The following TGM1 variants were observed in gnomAD, a reference collection of about 807,000 sequenced individuals.
The protein encoded by TGM1 is protein-glutamine gamma-glutamyltransferase K.
TGM1 carries 63 observed loss-of-function variants against 88.7 expected under a neutral mutation model. That is an observed-to-expected ratio of 0.71 (90% CI 0.58 to 0.88). The LOEUF (loss-of-function observed/expected upper bound fraction) is 0.88. Among genes scored for constraint, TGM1 ranks in the 40% least tolerant of loss-of-function variants. The probability of loss-of-function intolerance (pLI) is 0.00; values close to 1 mark genes in which losing one functional copy is unlikely to be tolerated. For missense variants in TGM1, 996 were observed against 1,118.0 expected (o/e 0.89, Z 1.56); for synonymous variants, 415 against 431.1 (o/e 0.96, Z 0.46).
chr14:24,252,085 G>A (rs537063726), intron 14 of TGM1, among the ~76,000 whole-genome samples: 2 of 152,302 alleles, frequency 1.3e-5, no homozygotes, highest in South Asian at 2.1e-4. Context: ...CACACCTTAT[G>A]CTATAATGGG....
chr14:24,259,361 A>T lies in TGM1; in HGVS notation c.985-112T>A, dbSNP rs2040785462. ...TCCTGCAACCACCCCTTACCCCTAA[A>T]TGCCTCAGGATCCAGACACCAGCCT... On this transcript the variant is annotated intron_variant, in intron 6 of 14. Coordinates refer to ENST00000206765, the MANE Select transcript of TGM1 (RefSeq NM_000359.3). This position sits in a 1 kb window ranked among gnomAD's most constrained non-coding sequence, Gnocchi z 5.7. The T allele has an allele frequency of 9.6e-7, 1 of 1,038,862 alleles. No individual in the cohort carries two copies. Among genetic ancestry groups the T allele is most frequent in the East Asian group, 2.6e-5 (1 of 38,642 alleles). 64.4% of individuals were successfully genotyped at this position (1,038,862 alleles called of 1,614,324 possible). A position where few individuals can be genotyped will look rare whatever the true frequency, so the allele number is the denominator to read the frequency against.
chr14:24,258,157 C>G (rs2040771904), intron 9 of TGM1, 128 bp downstream of exon 9: 1 of 669,910 alleles, frequency 1.5e-6, no homozygotes, highest in African/African-American at 1.8e-5. Flanking sequence ...GCTGACAAAC[C>G]CGTTTAAGAA....
At chr14:24,254,058 T>C in intron 14 of TGM1, 94 bp downstream of exon 14, 2 of 1,529,936 alleles carry the variant, frequency 1.3e-6, no homozygotes, top group Non-Finnish European at 8.9e-7. Context: ...CAGAACATAC[T>C]TGTCCAGACA....
Position 24,263,090 on chromosome 14 carries a change from T to A in TGM1, c.-4A>T, listed in dbSNP as rs2040828350. The A allele has an allele frequency of 6.5e-6, 1 of 154,452 alleles. No homozygotes were observed. Among genetic ancestry groups the A allele is most frequent in the Admixed American group, 6.4e-5 (1 of 15,734 alleles). 9.6% of individuals were successfully genotyped at this position (154,452 alleles called of 1,614,324 possible). A position where few individuals can be genotyped will look rare whatever the true frequency, so the allele number is the denominator to read the frequency against. ...ACAGTACCCGTGGGAGCCCCTCACC[T>A]GGCAGCAGTGTTGGCAACCGCAGTA... On this transcript the variant is annotated splice_region_variant and 5_prime_UTR_variant, in exon 1 of 15. Coordinates refer to ENST00000206765, the MANE Select transcript of TGM1 (RefSeq NM_000359.3).
chr14:24,254,698 G>C lies in TGM1; in HGVS notation c.2054C>G (p.Thr685Ser). Residue 685 changes from threonine (T) to serine (S), a missense_variant, in exon 13 of 15, where the codon ACC becomes AGC. By Grantham distance (58) the Thr-to-Ser change is moderately conservative. Coordinates refer to ENST00000206765, the MANE Select transcript of TGM1 (RefSeq NM_000359.3). ...GAGGTCTGGGGTGCGCAGACGGAAG[G>C]TGTGCTGCTTGGCCAGCACCTGCCC... ...ESGQVLAKQH[T>S]FRLRTPDLSL... 1 of 1,613,972 alleles carries C rather than the reference G, an allele frequency of 6.2e-7. No individual in the cohort carries two copies. The highest frequency in any genetic ancestry group is 8.5e-7 in the Non-Finnish European group (1 of 1,180,034).
At position 24,254,229 on chromosome 14, in the gene TGM1, G is replaced by A. The variant is rs892935023; in HGVS notation, c.2148C>T (p.Pro716=). Residue 716 remains proline, a synonymous_variant, in exon 14 of 15, where the codon CCC becomes CCT. Transcript: ENST00000206765. The part of the protein sequence containing the change: ...ECEVQIVFKN[P]LPVTLTNVVF... ...CGACATTGGTGAGGGTGACGGGAAG[G>A]GGGTTCTTGAAGACAATCTGTACTT... 3 of 1,614,058 alleles carry A rather than the reference G, an allele frequency of 1.9e-6. No individual in the cohort carries two copies. The highest frequency in any genetic ancestry group is 2.5e-6 in the Non-Finnish European group (3 of 1,179,998).
intron 3 of TGM1, 80 bp from the exon 4 acceptor site, chr14:24,260,778 C>G: frequency 2.5e-6 from 4 of 1,592,586 alleles, no homozygotes. Flanking sequence ...CCCGGCCCCA[C>G]CCACAATGTG....
At position 24,259,826 on chromosome 14, in the gene TGM1, G is replaced by A; in HGVS notation, c.877-15C>T. The A allele has an allele frequency of 6.2e-7, 1 of 1,612,252 alleles. No individual in the cohort carries two copies. The highest frequency in any genetic ancestry group is 8.5e-7 in the Non-Finnish European group (1 of 1,179,272). On this transcript the variant is annotated splice_polypyrimidine_tract_variant and intron_variant, in intron 5 of 14. Coordinates refer to ENST00000206765, the MANE Select transcript of TGM1 (RefSeq NM_000359.3). The surrounding 1 kb of genome is among the most constrained non-coding windows in gnomAD (Gnocchi z 5.7). ...CCGTGGTCAAACTGGAAGGAGGGAT[G>A]GAGGGCAGAGGTGACAGCCTGAACC...
At chr14:24,257,124 T>TG (rs1346474668) in intron 9 of TGM1, among the ~76,000 whole-genome samples, 1 of 152,192 alleles carries the variant, frequency 6.6e-6, no homozygotes, top group East Asian at 1.9e-4. Context: ...TGCCAGCGTC[T>TG]GGGACAGGCT....
intron 14 of TGM1, 26 bp downstream of exon 14, chr14:24,254,126 G>A: frequency 6.2e-7 from 1 of 1,601,698 alleles, no homozygotes; most frequent in Non-Finnish European, 8.5e-7. Context: ...AGTGGAAGCA[G>A]GGGTAGGGGG....
In TGM1 at chr14:24,259,744, C is replaced by A. The variant is rs143473912; in HGVS notation, c.944G>T (p.Arg315Leu). 3.1e-5 allele frequency: 50 copies of A among 1,611,804 alleles called. No individual in the cohort carries two copies. The African/African-American group carries it at 5.7e-4, about 19-fold the overall frequency. ...CCGGGAGACATTGACTGGGTCTCCA[C>A]GGCCTCCATATGGCATCCCCCGCCG... ...LDRRGMPYGG[R>L]GDPVNVSRVI... The change falls in exon 6 of 15, where the codon CGT (arginine) becomes CTT (leucine). Residue 315 changes from arginine to leucine, a missense_variant. Coordinates refer to ENST00000206765, the MANE Select transcript of TGM1 (RefSeq NM_000359.3). This position sits in a 1 kb window ranked among gnomAD's most constrained non-coding sequence, Gnocchi z 5.7.
intron 8 of TGM1, 67 bp downstream of exon 8, chr14:24,258,468 C>A (rs2040776406): frequency 6.3e-7 from 1 of 1,595,378 alleles, no homozygotes; most frequent in African/African-American, 1.3e-5. Flanking sequence ...CCAGCCCTGC[C>A]CACCCTCCAC....
rs751201972 is a variant in TGM1, at chr14:24,255,138, G to A, written c.1761C>T (p.Asp587=). 8.6e-5 allele frequency: 139 copies of A among 1,613,904 alleles called. No homozygotes were observed. The highest frequency in any genetic ancestry group is 5.5e-4 in the Admixed American group (33 of 60,006). The stretch of plus-strand genomic sequence containing the variant: ...CCATCAGATCCTGCCCCATCACCGC[G>A]TCCTGTGCCTCCACCTGCATGGCCA... ...EDVAMQVEAQ[D]AVMGQDLMVS... Residue 587 remains aspartate, a synonymous_variant, in exon 12 of 15, where the codon GAC becomes GAT. Coordinates refer to ENST00000206765, the MANE Select transcript of TGM1 (RefSeq NM_000359.3). This position sits in a 1 kb window ranked among gnomAD's most constrained non-coding sequence, Gnocchi z 4.0.
rs2040741667 is a variant in TGM1, at chr14:24,255,361, T to C, written c.1645+3A>G. ...AGAGCTGGCTGGGTTGGGGGAATGG[T>C]ACCTTCTGGGTGCTTATAGAGGTAG... On this transcript the variant is annotated splice_donor_region_variant and intron_variant, in intron 11 of 14. Coordinates refer to ENST00000206765, the MANE Select transcript of TGM1 (RefSeq NM_000359.3). The surrounding 1 kb of genome is among the most constrained non-coding windows in gnomAD (Gnocchi z 4.0). 6.2e-7 allele frequency: 1 copy of C among 1,614,086 alleles called. No individual in the cohort carries two copies. Among genetic ancestry groups the C allele is most frequent in the Admixed American group, 1.7e-5 (1 of 59,988 alleles).
At chr14:24,254,936 C>T (rs1294028366) in intron 12 of TGM1, 36 bp downstream of exon 12, 1 of 1,613,156 alleles carries the variant, frequency 6.2e-7, no homozygotes, top group Non-Finnish European at 8.5e-7. Context: ...AGGTGCCCAG[C>T]CATCCAGGGG....
chr14:24,251,765 T>G (rs904600302), intron 14 of TGM1, among the ~76,000 whole-genome samples: 2 of 152,246 alleles, frequency 1.3e-5, no homozygotes, highest in Non-Finnish European at 2.9e-5. Flanking sequence ...CAGCCTGTCC[T>G]TCCTTCCACA....
chr14:24,262,874 G>C (rs2040826380), intron 1 of TGM1, among the ~76,000 whole-genome samples: 1 of 152,240 alleles, frequency 6.6e-6, no homozygotes, highest in Non-Finnish European at 1.5e-5. Context: ...TCCCAAGTCA[G>C]GGAAGACCCC....
rs1456167790 is a variant in TGM1 at position 24,263,150 on chromosome 14, T to C, written c.-64A>G. On this transcript the variant is annotated 5_prime_UTR_variant, in exon 1 of 15. Transcript: ENST00000206765. ...GGGGCTGAGATGGAACAGGTCAGGATGGATGGGACAGGACCCACAGACTGG... is the reference window on the plus strand; with the variant it reads ...GGGGCTGAGATGGAACAGGTCAGGACGGATGGGACAGGACCCACAGACTGG... 1 of 152,846 alleles carries C rather than the reference T, an allele frequency of 6.5e-6. No individual in the cohort carries two copies. Among genetic ancestry groups the C allele is most frequent in the African/African-American group, 2.4e-5 (1 of 41,452 alleles). 9.5% of individuals were successfully genotyped at this position (152,846 alleles called of 1,614,324 possible). A position where few individuals can be genotyped will look rare whatever the true frequency, so the allele number is the denominator to read the frequency against.
chr14:24,250,401 G>A (rs564190254), intron 14 of TGM1, among the ~76,000 whole-genome samples: 1 of 152,164 alleles, frequency 6.6e-6, no homozygotes, highest in South Asian at 2.1e-4. Flanking sequence ...AGGATTTAGT[G>A]CTCCTTTGGT....
Sources: gnomAD v4.1 joint callset for allele counts (sites outside exome capture counted in the v4.1 genomes callset) on GRCh38, gnomAD v4.1.1 for gene constraint, Gnocchi (gnomAD v3.1) non-coding constraint, MANE v1.5 for transcripts, NCBI Gene and HGNC (gene_info 2026-07-23, HGNC 2026-07-21) for gene names.